The following VRK2 variants were observed in gnomAD, a reference collection of about 807,000 sequenced individuals.
The protein encoded by VRK2 is VRK serine/threonine kinase 2.
VRK2 carries 60 observed loss-of-function variants against 57.6 expected under a neutral mutation model. The observed-to-expected ratio is 1.04, with a 90% CI of 0.85 to 1.29. The LOEUF (loss-of-function observed/expected upper bound fraction) is 1.29, where lower values mean the gene tolerates loss of function less well. VRK2 is among the 50% of genes most tolerant of loss of function. The pLI, the probability that VRK2 is intolerant of heterozygous loss-of-function variation, is 0.00. For missense variants in VRK2, 705 were observed against 588.1 expected, an observed-to-expected ratio of 1.20 and a Z score of -2.06; for synonymous variants, 231 against 199.2, an observed-to-expected ratio of 1.16 and a Z score of -1.35.
chr2:57,970,190 CATT>C (rs1672052272), intron 1 of VRK2, among the ~76,000 whole-genome samples: 1 of 147,684 alleles, frequency 6.8e-6, no homozygotes, highest in African/African-American at 2.5e-5. Flanking sequence ...AATAATATAA[CATT>C]ATTAATATTT....
At chr2:58,146,291 A>G (rs1682111749) in intron 11 of VRK2, 25 bp from the exon 12 acceptor site, 2 of 1,565,760 alleles carry the variant, frequency 1.3e-6, no homozygotes, top group Non-Finnish European at 1.7e-6. Flanking sequence ...TTCATTATAT[A>G]TTATTACTTA....
chr2:58,137,173 C>CATATATCAT (rs1680412526), intron 10 of VRK2, among the ~76,000 whole-genome samples: 1 of 704 alleles, frequency 1.4e-3, no homozygotes, highest in African/African-American at 2.8e-3. Flanking sequence ...TATCATATAT[C>CATATATCAT]ATATATATCA....
chr2:57,930,083 T>C (rs2103929016), intron 1 of VRK2, among the ~76,000 whole-genome samples: 1 of 152,042 alleles, frequency 6.6e-6, no homozygotes, highest in East Asian at 1.9e-4. Flanking sequence ...TCTCACTAAG[T>C]TGTGGGCCCT....
At chr2:58,121,840 G>A (rs2104482875) in intron 7 of VRK2, among the ~76,000 whole-genome samples, 1 of 152,220 alleles carries the variant, frequency 6.6e-6, no homozygotes. Context: ...CTTTTTCTGG[G>A]GAGGGGGAAT....
At chr2:58,046,746 G>A, upstream of VRK2, 2 of 985,554 alleles carry the variant, frequency 2.0e-6, no homozygotes, top group Non-Finnish European at 2.4e-6. Context: ...AGGTCCTAGG[G>A]AGGGCAGGCT....
chr2:58,128,637 G>T (rs1405968838), intron 8 of VRK2, among the ~76,000 whole-genome samples: 1 of 152,104 alleles, frequency 6.6e-6, no homozygotes, highest in Non-Finnish European at 1.5e-5. Context: ...TGGCAACAAA[G>T]TAATTGCAAG....
chr2:58,070,368 A>G (rs1485063043), intron 2 of VRK2, among the ~76,000 whole-genome samples: 2 of 152,008 alleles, frequency 1.3e-5, no homozygotes, highest in Non-Finnish European at 2.9e-5. Flanking sequence ...ATATAGTTTT[A>G]TGGGTTTTGG....
rs546661203 is a variant in VRK2, at chr2:58,158,020, C to A, written c.1183-1329C>A. Among the ~76,000 whole-genome samples the A allele has an allele frequency of 1.6e-4, 25 of 152,258 alleles. No homozygotes were observed. In the East Asian group the frequency reaches 4.8e-3, roughly 29 times the overall value. ...TTAAATTCTTTGATGAGTGCCTTGC[C>A]ATATGATGTCATTTGCTGATGTTCA... On this transcript the variant is annotated intron_variant, in intron 12 of 12. Transcript: ENST00000340157.
chr2:58,018,185 G>T (rs1290473739), intron 1 of VRK2: 1 of 152,094 alleles, frequency 6.6e-6, no homozygotes, highest in Non-Finnish European at 1.5e-5. Context: ...TAGAGACAGG[G>T]TTTCACCACG....
At chr2:58,149,996 C>CTTTTTTTTTTTTTTT (rs55783668) in intron 12 of VRK2, among the ~76,000 whole-genome samples, 1 of 108,346 alleles carries the variant, frequency 9.2e-6, no homozygotes, top group Non-Finnish European at 1.9e-5. Context: ...TTTTTCTTTT[C>CTTTTTTTTTTTTTTT]TTTTTTTTTT....
intron 7 of VRK2, among the ~76,000 whole-genome samples, chr2:58,110,893 G>A (rs533418219): frequency 6.6e-6 from 1 of 152,326 alleles, no homozygotes; most frequent in South Asian, 2.1e-4. Flanking sequence ...CAGCTATGTA[G>A]AAATAGTCAC....
At chr2:58,074,308 C>T (rs1257662240) in intron 2 of VRK2, among the ~76,000 whole-genome samples, 1 of 151,910 alleles carries the variant, frequency 6.6e-6, no homozygotes, top group Non-Finnish European at 1.5e-5. Context: ...AGTATATTTG[C>T]ATTATTATCT....
intron 2 of VRK2, among the ~76,000 whole-genome samples, chr2:58,050,110 A>C (rs925728566): frequency 3.3e-5 from 5 of 152,200 alleles, no homozygotes; most frequent in African/African-American, 1.2e-4. Context: ...ATGTAATACA[A>C]GTTACATATG....
chr2:57,908,502 T>C (rs900909111), intron 1 of VRK2, among the ~76,000 whole-genome samples: 3 of 152,040 alleles, frequency 2.0e-5, no homozygotes, highest in Non-Finnish European at 4.4e-5. Context: ...CATGCATATA[T>C]AGATGGATGA....
At chr2:58,026,818 A>C (rs1673942843) in intron 2 of VRK2, 1 of 152,122 alleles carries the variant, frequency 6.6e-6, no homozygotes, top group Admixed American at 6.6e-5. Context: ...TCCTTGGCTC[A>C]AGCAATCCTT....
chr2:58,011,436 C>G (rs1673415704), intron 1 of VRK2, among the ~76,000 whole-genome samples: 1 of 152,262 alleles, frequency 6.6e-6, no homozygotes, highest in South Asian at 2.1e-4. Context: ...AAGCTTCTAT[C>G]CAAGGCTGTC....
chr2:58,111,023 C>T (rs1041690372), intron 7 of VRK2, among the ~76,000 whole-genome samples: 3 of 152,086 alleles, frequency 2.0e-5, no homozygotes, highest in Admixed American at 6.5e-5. Context: ...AGTAAAGGGC[C>T]GCTTCTTTCT....
chr2:57,930,581 G>A (rs1572873659), intron 1 of VRK2, among the ~76,000 whole-genome samples: 3 of 152,250 alleles, frequency 2.0e-5, no homozygotes, highest in South Asian at 2.1e-4. Context: ...TTGTGTGGAC[G>A]TTTGATTCAA....
intron 7 of VRK2, among the ~76,000 whole-genome samples, chr2:58,109,720 A>C (rs1488105721): frequency 2.0e-5 from 3 of 152,194 alleles, no homozygotes; most frequent in African/African-American, 7.2e-5. Context: ...CCCTCAACAC[A>C]TGGGAATTAC....
Sources: allele counts gnomAD v4.1 joint callset (sites outside exome capture counted in the v4.1 genomes callset), GRCh38; gene constraint gnomAD v4.1.1; transcripts MANE v1.5; gene names NCBI Gene and HGNC (gene_info 2026-07-23, HGNC 2026-07-21).